Variants in FBXL17 observed in about 807,000 individuals in gnomAD.
FBXL17 encodes the protein F-box and leucine rich repeat protein 17, also known as F-box/LRR-repeat protein 17.
A neutral mutation model predicts 66.2 loss-of-function variants in FBXL17; 22 were observed. The observed-to-expected ratio is 0.33, with a 90% CI of 0.24 to 0.47. The LOEUF (loss-of-function observed/expected upper bound fraction) is 0.47, where lower values mean the gene tolerates loss of function less well. Among genes scored for constraint, FBXL17 ranks in the 20% least tolerant of loss-of-function variants. The pLI is 1.00. For synonymous variants in FBXL17, 474 were observed against 400.5 expected, an observed-to-expected ratio of 1.18 and a Z score of -2.19; for missense variants, 878 against 948.2, an observed-to-expected ratio of 0.93 and a Z score of 0.97.
intron 6 of FBXL17, among the ~76,000 whole-genome samples, chr5:108,074,969 C>T (rs1454610658): frequency 2.6e-5 from 4 of 152,166 alleles, no homozygotes; most frequent in Admixed American, 2.6e-4. Context: ...GTCTTTGTAG[C>T]AAATTTCATT....
chr5:108,240,702 T>C (rs994586240), intron 4 of FBXL17, among the ~76,000 whole-genome samples: 3 of 152,114 alleles, frequency 2.0e-5, no homozygotes, highest in African/African-American at 4.8e-5. Context: ...TACTAGGGCC[T>C]TGACTGAACA....
At chr5:108,308,184 T>G (rs1052487247) in intron 4 of FBXL17, among the ~76,000 whole-genome samples, 1 of 151,968 alleles carries the variant, frequency 6.6e-6, no homozygotes, top group African/African-American at 2.4e-5. Flanking sequence ...AATTAAGGAA[T>G]GAGAAAGAAT....
In FBXL17 at chr5:108,367,897, C is replaced by T; in HGVS notation, c.1050G>A (p.Lys350=). 6.4e-7 allele frequency: 1 copy of T among 1,551,022 alleles called. No individual in the cohort carries two copies. The highest frequency in any genetic ancestry group is 8.7e-7 in the Non-Finnish European group (1 of 1,146,486). The part of the protein sequence containing the change: ...ERCLSASLVC[K]YWRDLCLDFQ... ...AGTCTAAACAAAGGTCACGCCAGTACTTGCAAACCAATGATGCGGAAAGGC... is the reference window on the plus strand; with the variant it reads ...AGTCTAAACAAAGGTCACGCCAGTATTTGCAAACCAATGATGCGGAAAGGC... The change falls in exon 2 of 9, where the codon AAG becomes AAA. Residue 350 remains lysine, a synonymous_variant. Coordinates refer to ENST00000542267, the MANE Select transcript of FBXL17 (RefSeq NM_001163315.3).
At chr5:107,949,499 G>T (rs2112604823) in intron 7 of FBXL17, among the ~76,000 whole-genome samples, 1 of 152,280 alleles carries the variant, frequency 6.6e-6, no homozygotes, top group African/African-American at 2.4e-5. Context: ...AATGAGCAGG[G>T]CTGGACCCAA....
At chr5:108,089,806 T>C (rs1313193025) in intron 6 of FBXL17, among the ~76,000 whole-genome samples, 1 of 152,114 alleles carries the variant, frequency 6.6e-6, no homozygotes, top group Non-Finnish European at 1.5e-5. Context: ...GTTAAATAAA[T>C]ATAAGTAAAA....
At chr5:108,253,901 G>C (rs1756465419) in intron 4 of FBXL17, among the ~76,000 whole-genome samples, 2 of 152,098 alleles carry the variant, frequency 1.3e-5, no homozygotes, top group Admixed American at 1.3e-4. Flanking sequence ...ACTGGGCTGA[G>C]AGGATCACTT....
At chr5:108,114,769 C>G (rs1395858929) in intron 6 of FBXL17, among the ~76,000 whole-genome samples, 1 of 152,162 alleles carries the variant, frequency 6.6e-6, no homozygotes, top group Non-Finnish European at 1.5e-5. Context: ...TGCATCTATT[C>G]ACCACATTTA....
chr5:108,195,986 T>G (rs1753665373), intron 5 of FBXL17, among the ~76,000 whole-genome samples: 1 of 152,140 alleles, frequency 6.6e-6, no homozygotes, highest in South Asian at 2.1e-4. Flanking sequence ...AGTAGAGATG[T>G]CAAATAAATT....
In FBXL17 at chr5:108,380,781, G is replaced by A. The variant is rs1164706730; in HGVS notation, c.911C>T (p.Pro304Leu). 1.3e-5 allele frequency: 16 copies of A among 1,248,440 alleles called. No homozygotes were observed. The highest frequency in any genetic ancestry group is 3.2e-5 in the East Asian group (1 of 31,684). The allele number at this position is 1,248,440 out of a possible 1,614,324, so 77.3% of individuals were successfully genotyped here. A position where few individuals can be genotyped will look rare whatever the true frequency, so the allele number is the denominator to read the frequency against. Reference sequence around the variant, plus strand: ...CCTGTGACAGTCGCAGGGGTTTTCGGGGGACTCCCGACAGTCCGCGTCGCC... The same window carrying A: ...CCTGTGACAGTCGCAGGGGTTTTCGAGGGACTCCCGACAGTCCGCGTCGCC... ...ECGDADCRES[P>L]ENPCDCHREP... The change falls in exon 1 of 9, where the codon CCC (proline) becomes CTC (leucine). Residue 304 changes from proline (P) to leucine (L), a missense_variant. By Grantham distance (98) the Pro-to-Leu change is moderately conservative (BLOSUM62 -3). Coordinates refer to ENST00000542267, the MANE Select transcript of FBXL17 (RefSeq NM_001163315.3).
At chr5:108,209,419 C>T (rs890598925) in intron 5 of FBXL17, among the ~76,000 whole-genome samples, 3 of 152,060 alleles carry the variant, frequency 2.0e-5, no homozygotes, top group African/African-American at 7.2e-5. Flanking sequence ...CACTTTTTGC[C>T]CATTCAGTAT....
At chr5:108,201,495 A>G (rs1753892881) in intron 5 of FBXL17, among the ~76,000 whole-genome samples, 1 of 152,150 alleles carries the variant, frequency 6.6e-6, no homozygotes, top group Non-Finnish European at 1.5e-5. Context: ...GTACAAAGCA[A>G]TTGCCTATAA....
chr5:108,128,948 T>C (rs552554105), intron 6 of FBXL17, among the ~76,000 whole-genome samples: 9 of 151,996 alleles, frequency 5.9e-5, no homozygotes, highest in Non-Finnish European at 1.3e-4. Flanking sequence ...TCATGGTATG[T>C]AGGAATTCAC....
chr5:107,889,696 A>T (rs1335552428), intron 7 of FBXL17, among the ~76,000 whole-genome samples: 2 of 152,194 alleles, frequency 1.3e-5, no homozygotes, highest in Non-Finnish European at 2.9e-5. Flanking sequence ...TTTCCTTCCT[A>T]TGAGATGAAC....
chr5:108,329,095 T>A (rs1016595346), intron 4 of FBXL17, among the ~76,000 whole-genome samples: 2 of 152,176 alleles, frequency 1.3e-5, no homozygotes, highest in South Asian at 4.1e-4. Flanking sequence ...AAAATATACT[T>A]ATGTAAGAAC....
intron 6 of FBXL17, among the ~76,000 whole-genome samples, chr5:108,134,450 T>A (rs1751055086): frequency 6.6e-6 from 1 of 152,216 alleles, no homozygotes; most frequent in Admixed American, 6.5e-5. Context: ...CATAAGTTTT[T>A]AAATAACAGA....
At position 108,234,510 on chromosome 5, in the gene FBXL17, T is replaced by C. The variant is rs1382599742; in HGVS notation, c.1507-10282A>G. Among the ~76,000 whole-genome samples, 6 of 152,272 alleles carry C rather than the reference T, an allele frequency of 3.9e-5. No individual in the cohort carries two copies. In the East Asian group the frequency reaches 1.2e-3, roughly 29 times the overall value. On this transcript the variant is annotated intron_variant, in intron 4 of 8. Transcript: ENST00000542267. ...GTATGTTATACCAATTAGGATATGA[T>C]TCTTTTCATGGAACTAATCTCACTC...
chr5:107,926,193 G>A (rs1435178635), intron 7 of FBXL17, among the ~76,000 whole-genome samples: 1 of 152,136 alleles, frequency 6.6e-6, no homozygotes, highest in Non-Finnish European at 1.5e-5. Flanking sequence ...CAATTTTACA[G>A]ATGATGTAAT....
chr5:108,270,096 G>T (rs1757204899), intron 4 of FBXL17, among the ~76,000 whole-genome samples: 3 of 152,040 alleles, frequency 2.0e-5, no homozygotes. Flanking sequence ...GTAGATTAAA[G>T]ATACTAAAGA....
intron 4 of FBXL17, among the ~76,000 whole-genome samples, chr5:108,232,608 G>A (rs1755394751): frequency 1.3e-5 from 2 of 151,128 alleles, no homozygotes; most frequent in African/African-American, 4.9e-5. Context: ...AGGCAAGACA[G>A]GCCTAGCGTC....
Sources: gnomAD v4.1 joint callset for allele counts (sites outside exome capture counted in the v4.1 genomes callset) on GRCh38, gnomAD v4.1.1 for gene constraint, MANE v1.5 for transcripts, NCBI Gene and HGNC (gene_info 2026-07-23, HGNC 2026-07-21) for gene names.